The following CSMD1 variants were observed in gnomAD, a reference collection of about 807,000 sequenced individuals.
The protein encoded by CSMD1 is CUB and sushi domain-containing protein 1.
A neutral mutation model predicts 417.5 loss-of-function variants in CSMD1; 213 were observed. That is an observed-to-expected ratio of 0.51 (90% CI 0.46 to 0.57). The LOEUF is 0.57. CSMD1 is among the 20% of genes least tolerant of loss of function. CSMD1 has a pLI of 0.00. For synonymous variants in CSMD1, 2,862 were observed against 1,736.8 expected (o/e 1.65, Z -16.11); for missense variants, 6,923 against 4,529.7 (o/e 1.53, Z -15.17).
At chr8:4,806,062 C>T (rs1273797891) in intron 1 of CSMD1, among the ~76,000 whole-genome samples, 4 of 152,188 alleles carry the variant, frequency 2.6e-5, no homozygotes, top group South Asian at 2.1e-4. Context: ...CCCGGATTTT[C>T]GGTGTCATTT....
rs144171490 is a variant in CSMD1, at chr8:3,824,026, C to T, written c.819-69984G>A. Among the ~76,000 whole-genome samples, 167 of 152,160 alleles carry T rather than the reference C, an allele frequency of 1.1e-3. 1 individual carries two copies. The highest frequency in any genetic ancestry group is 4.6e-3 in the South Asian group (22 of 4,816). ...CTTCCAGTCTCTGTGCCTGAATATT[C>T]CCTCTGCCCAAAAGTCTGATATTTC... On this transcript the variant is annotated intron_variant, in intron 5 of 69. Coordinates refer to ENST00000635120, the MANE Select transcript of CSMD1 (RefSeq NM_033225.6).
chr8:4,823,466 G>C (rs1354358561), intron 1 of CSMD1, among the ~76,000 whole-genome samples: 1 of 151,794 alleles, frequency 6.6e-6, no homozygotes, highest in Non-Finnish European at 1.5e-5. Flanking sequence ...GGGGTACTTA[G>C]GGCAACCGAG....
intron 3 of CSMD1, among the ~76,000 whole-genome samples, chr8:4,272,111 G>C (rs1804638383): frequency 1.3e-5 from 2 of 152,024 alleles, no homozygotes; most frequent in African/African-American, 4.8e-5. Flanking sequence ...CACCTGTCAG[G>C]GGTGTGTGTG....
intron 5 of CSMD1, among the ~76,000 whole-genome samples, chr8:3,862,792 C>T (rs945017734): frequency 1.3e-5 from 2 of 152,146 alleles, no homozygotes; most frequent in East Asian, 1.9e-4. Flanking sequence ...AAGTTAACTG[C>T]CTATCACAAC....
intron 3 of CSMD1, among the ~76,000 whole-genome samples, chr8:4,415,146 G>T (rs1002182241): frequency 2.0e-5 from 3 of 152,082 alleles, no homozygotes; most frequent in Non-Finnish European, 4.4e-5. Context: ...CTACCCTTCA[G>T]ATAGGGCAGA....
chr8:3,487,007 C>T (rs918760249), intron 11 of CSMD1, among the ~76,000 whole-genome samples: 1 of 152,082 alleles, frequency 6.6e-6, no homozygotes, highest in Non-Finnish European at 1.5e-5. Flanking sequence ...GGAGTTGATC[C>T]TGAACCTCTC....
intron 3 of CSMD1, among the ~76,000 whole-genome samples, chr8:4,285,120 A>T (rs2128862911): frequency 6.6e-6 from 1 of 152,340 alleles, no homozygotes; most frequent in African/African-American, 2.4e-5. Flanking sequence ...TAATGAGAAA[A>T]GTCCTTTTAA....
intron 23 of CSMD1, among the ~76,000 whole-genome samples, chr8:3,313,998 T>C (rs990664227): frequency 2.6e-5 from 4 of 152,132 alleles, no homozygotes; most frequent in Non-Finnish European, 4.4e-5. Context: ...GAAACCATCA[T>C]TCTCAGCAAA....
chr8:4,105,589 A>G (rs985011836), intron 3 of CSMD1, among the ~76,000 whole-genome samples: 1 of 152,210 alleles, frequency 6.6e-6, no homozygotes, highest in African/African-American at 2.4e-5. Flanking sequence ...TGAGTAGGTG[A>G]TGAGGGCTAC....
chr8:4,654,624 C>T (rs1804114606), intron 1 of CSMD1, among the ~76,000 whole-genome samples: 1 of 152,096 alleles, frequency 6.6e-6, no homozygotes, highest in African/African-American at 2.4e-5. Flanking sequence ...TAGATATCAA[C>T]TAAAATGGTT....
chr8:3,901,074 T>C (rs553707935), intron 5 of CSMD1, among the ~76,000 whole-genome samples: 30 of 152,152 alleles, frequency 2.0e-4, no homozygotes, highest in Non-Finnish European at 3.4e-4. Context: ...AGTAAAGAAA[T>C]AATTTATAAC....
At chr8:3,808,515 T>C (rs1233607545) in intron 5 of CSMD1, among the ~76,000 whole-genome samples, 3 of 152,202 alleles carry the variant, frequency 2.0e-5, no homozygotes, top group Admixed American at 1.3e-4. Flanking sequence ...ACTAAGAGCA[T>C]GCTACCGTGG....
intron 10 of CSMD1, among the ~76,000 whole-genome samples, chr8:3,521,765 C>T (rs28624209): frequency 0.01 from 1,545 of 152,220 alleles, 19 homozygotes; most frequent in African/African-American, 0.035. Flanking sequence ...TTATTGTATT[C>T]CCAGAACAAA....
At chr8:3,070,498 A>G (rs1185758082) in intron 49 of CSMD1, among the ~76,000 whole-genome samples, 1 of 152,064 alleles carries the variant, frequency 6.6e-6, no homozygotes, top group Non-Finnish European at 1.5e-5. Flanking sequence ...CAGATACCCA[A>G]CTCATTATTC....
intron 5 of CSMD1, among the ~76,000 whole-genome samples, chr8:3,756,883 A>C (rs1358474123): frequency 6.6e-6 from 1 of 151,404 alleles, no homozygotes; most frequent in Non-Finnish European, 1.5e-5. Context: ...GCAGTCTCCG[A>C]CTCCTGGGCT....
chr8:3,956,669 T>G (rs566779336), intron 5 of CSMD1, among the ~76,000 whole-genome samples: 1 of 152,326 alleles, frequency 6.6e-6, no homozygotes, highest in East Asian at 1.9e-4. Context: ...CTGAAAATTA[T>G]GAGTTACTAC....
At chr8:4,664,685 C>A (rs1445064592) in intron 1 of CSMD1, among the ~76,000 whole-genome samples, 1 of 152,034 alleles carries the variant, frequency 6.6e-6, no homozygotes, top group African/African-American at 2.4e-5. Flanking sequence ...AGGTTGGGAG[C>A]CATACACAGC....
At chr8:4,701,507 T>C (rs1295307858) in intron 1 of CSMD1, among the ~76,000 whole-genome samples, 5 of 151,874 alleles carry the variant, frequency 3.3e-5, no homozygotes, top group African/African-American at 1.2e-4. Flanking sequence ...CCAGGCCGCC[T>C]CCCAGAGGGA....
At chr8:2,982,233 G>A (rs967302782) in intron 54 of CSMD1, among the ~76,000 whole-genome samples, 1 of 152,140 alleles carries the variant, frequency 6.6e-6, no homozygotes, top group African/African-American at 2.4e-5. Flanking sequence ...GCAGGGGCCT[G>A]TAATTCCAGC....
Sources: gnomAD v4.1 joint callset for allele counts (sites outside exome capture counted in the v4.1 genomes callset) on GRCh38, gnomAD v4.1.1 for gene constraint, MANE v1.5 for transcripts, NCBI Gene and HGNC (gene_info 2026-07-23, HGNC 2026-07-21) for gene names.